DNAH5: variants seen among roughly 807,000 people sequenced by gnomAD.
The protein encoded by DNAH5 is axonemal beta dynein heavy chain 5.
A neutral mutation model predicts 518.2 loss-of-function variants in DNAH5; 372 were observed. That is an observed-to-expected ratio of 0.72 (90% CI 0.66 to 0.78). The LOEUF (loss-of-function observed/expected upper bound fraction) is 0.78, where lower values mean the gene tolerates loss of function less well. DNAH5 is among the 30% of genes least tolerant of loss of function. The pLI is 0.00. For synonymous variants in DNAH5, 2,039 were observed against 2,025.9 expected (o/e 1.01, Z -0.17); for missense variants, 5,523 against 5,687.0 (o/e 0.97, Z 0.93).
At chr5:13,931,034 T>G in intron 2 of DNAH5, 76 bp downstream of exon 2, 1 of 1,608,262 alleles carries the variant, frequency 6.2e-7, no homozygotes, top group Non-Finnish European at 8.5e-7. Context: ...CAGCATGGGA[T>G]CCTGCCACAG....
intron 65 of DNAH5, among the ~76,000 whole-genome samples, chr5:13,744,597 T>A (rs2062724): frequency 0.36 from 54,224 of 151,808 alleles, 10,036 homozygotes; most frequent in South Asian, 0.49. Context: ...ATGTACCCCA[T>A]AAACATGTAC....
rs769937943 is a variant in DNAH5, at chr5:13,796,707, T to G, written c.7888-2649A>C. ...CAGAATTGGAAAAAACTACTTTAAATTTCATATGGAACCAAAAAAGAGCCC... is the reference window on the plus strand; with the variant it reads ...CAGAATTGGAAAAAACTACTTTAAAGTTCATATGGAACCAAAAAAGAGCCC... On this transcript the variant is annotated intron_variant, in intron 47 of 78. Transcript: ENST00000265104. 2.8e-4 allele frequency among the ~76,000 whole-genome samples: 42 copies of G among 152,140 alleles called. 1 individual carries two copies. Among genetic ancestry groups the G allele is most frequent in the Middle Eastern group, 3.4e-3 (1 of 294 alleles).
At position 13,694,296 on chromosome 5, in the gene DNAH5, G is replaced by A. The variant is rs1741074173; in HGVS notation, c.13724-2161C>T. ...TATTTTTAATTGCTTCAGAGCTGAAGGTGCTCATGCCAAGTCACAGCGTGC... is the reference window on the plus strand; with the variant it reads ...TATTTTTAATTGCTTCAGAGCTGAAAGTGCTCATGCCAAGTCACAGCGTGC... On this transcript the variant is annotated intron_variant, in intron 78 of 78. Coordinates refer to ENST00000265104, the MANE Select transcript of DNAH5 (RefSeq NM_001369.3). 2.6e-5 allele frequency among the ~76,000 whole-genome samples: 4 copies of A among 152,278 alleles called. No homozygotes were observed. In the South Asian group the frequency reaches 8.3e-4, roughly 32 times the overall value.
chr5:13,802,569 T>A (rs1233064454), intron 47 of DNAH5, among the ~76,000 whole-genome samples: 1 of 152,218 alleles, frequency 6.6e-6, no homozygotes, highest in Non-Finnish European at 1.5e-5. Context: ...AAGTAGCACT[T>A]ATCTTGTCAA....
chr5:13,840,911 C>T lies in DNAH5; in HGVS notation c.5704G>A (p.Asp1902Asn), dbSNP rs1403788754. The T allele has an allele frequency of 6.2e-7, 1 of 1,613,598 alleles. No individual in the cohort carries two copies. Among genetic ancestry groups the T allele is most frequent in the East Asian group, 2.2e-5 (1 of 44,864 alleles). ...AGCATTTATAAAGAATTTACCAGGT[C>T]ATCAAAGATATCCCTTTGGTGCACA... ...IHVHQRDIFD[D>N]LCHMHIKSPM... is the part of the protein sequence containing the mutation. Residue 1902 changes from aspartate to asparagine, a missense_variant, in exon 34 of 79, where the codon GAC becomes AAC. Physicochemically the swap from Asp to Asn is conservative, Grantham distance 23. Coordinates refer to ENST00000265104, the MANE Select transcript of DNAH5 (RefSeq NM_001369.3).
chr5:13,779,772 T>C (rs1754816084), intron 53 of DNAH5, among the ~76,000 whole-genome samples: 1 of 152,222 alleles, frequency 6.6e-6, no homozygotes, highest in African/African-American at 2.4e-5. Flanking sequence ...GAAACCAGGA[T>C]GCACCAAGCC....
intron 53 of DNAH5, among the ~76,000 whole-genome samples, chr5:13,777,775 G>A (rs1383668448): frequency 3.3e-5 from 5 of 152,156 alleles, no homozygotes; most frequent in Admixed American, 3.3e-4. Flanking sequence ...TACAGGGTGA[G>A]TGAGATGCCC....
At chr5:13,714,077 A>C (rs1460238934) in intron 75 of DNAH5, among the ~76,000 whole-genome samples, 2 of 152,156 alleles carry the variant, frequency 1.3e-5, no homozygotes, top group Non-Finnish European at 2.9e-5. Context: ...TGTTTTAATA[A>C]TACTTCGCTT....
At chr5:13,710,441 G>C (rs1414416990) in intron 75 of DNAH5, among the ~76,000 whole-genome samples, 1 of 151,974 alleles carries the variant, frequency 6.6e-6, no homozygotes, top group African/African-American at 2.4e-5. Flanking sequence ...AGAGAAACAA[G>C]AAGAAACCAA....
intron 1 of DNAH5, among the ~76,000 whole-genome samples, chr5:13,985,358 C>T (rs1382338499): frequency 2.0e-5 from 3 of 150,440 alleles, no homozygotes; most frequent in Non-Finnish European, 4.4e-5. Context: ...AGCACACCAA[C>T]ATGGCATGTG....
Position 13,692,043 on chromosome 5 carries a change from C to A in DNAH5, c.13816G>T (p.Ala4606Ser). 1 of 1,614,096 alleles carries A rather than the reference C, an allele frequency of 6.2e-7. No individual in the cohort carries two copies. Among genetic ancestry groups the A allele is most frequent in the South Asian group, 1.1e-5 (1 of 91,082 alleles). ...NYIAAVDLRT[A>S]QTPEHWVLRG... The stretch of plus-strand genomic sequence containing the variant: ...AGCACCCAGTGTTCAGGGGTCTGGG[C>A]TGTCCTGAGATCCACAGCGGCAATG... Residue 4606 changes from alanine (A) to serine (S), a missense_variant, in exon 79 of 79, where the codon GCC becomes TCC. This residue lies in a region of DNAH5 where 387 missense variants were observed against 430.0 expected (regional missense o/e 0.90). Transcript: ENST00000265104.
At chr5:13,967,140 C>T (rs982557968) in intron 1 of DNAH5, among the ~76,000 whole-genome samples, 3 of 152,200 alleles carry the variant, frequency 2.0e-5, no homozygotes, top group Non-Finnish European at 2.9e-5. Flanking sequence ...GGAATTACAA[C>T]CATGAGCCAC....
chr5:13,864,977 C>T lies in DNAH5; in HGVS notation c.4356-340G>A, dbSNP rs74979615. Reference sequence around the variant, plus strand: ...ACAAAGCATAGCAAAGTGTATCAGGCTGTGAAGTGAAATATGCAACAAATA... The same window carrying T: ...ACAAAGCATAGCAAAGTGTATCAGGTTGTGAAGTGAAATATGCAACAAATA... On this transcript the variant is annotated intron_variant, in intron 27 of 78. Coordinates refer to ENST00000265104, the MANE Select transcript of DNAH5 (RefSeq NM_001369.3). Among the ~76,000 whole-genome samples the T allele has an allele frequency of 5.6e-3, 834 of 150,234 alleles. 10 individuals are homozygous for T. The highest frequency in any genetic ancestry group is 0.019 in the African/African-American group (787 of 40,806).
intron 66 of DNAH5, among the ~76,000 whole-genome samples, chr5:13,736,277 G>A (rs560797038): frequency 1.3e-3 from 191 of 152,166 alleles, no homozygotes; most frequent in Non-Finnish European, 2.5e-3. Context: ...GTAGCCATTA[G>A]GGACCTCATC....
intron 2 of DNAH5, among the ~76,000 whole-genome samples, chr5:13,929,479 TTTATG>T (rs59193896): frequency 0.47 from 71,636 of 151,614 alleles, 17,672 homozygotes; most frequent in East Asian, 0.87. Flanking sequence ...GATGGTGAAT[TTTATG>T]TTATGTGTAT....
chr5:13,859,808 C>T (rs1460126417), intron 29 of DNAH5, among the ~76,000 whole-genome samples: 1 of 152,096 alleles, frequency 6.6e-6, no homozygotes, highest in East Asian at 1.9e-4. Flanking sequence ...CCTTTTGATC[C>T]AGAGCATAGA....
chr5:13,700,424 A>ATCTC (rs1741941532), intron 78 of DNAH5, among the ~76,000 whole-genome samples: 1 of 152,234 alleles, frequency 6.6e-6, no homozygotes, highest in East Asian at 1.9e-4. Context: ...GCTTTATTAG[A>ATCTC]TAAGCAAGTA....
chr5:13,951,622 C>G (rs1780420997), intron 1 of DNAH5, among the ~76,000 whole-genome samples: 1 of 151,904 alleles, frequency 6.6e-6, no homozygotes, highest in Non-Finnish European at 1.5e-5. Flanking sequence ...AGATCTGGTC[C>G]CTGGTTTTGA....
chr5:13,901,543 G>T lies in DNAH5; in HGVS notation c.1761C>A (p.Asp587Glu). The change falls in exon 14 of 79, where the codon GAC becomes GAA. Residue 587 changes from aspartate to glutamate, a missense_variant. Asp to Glu is a conservative substitution (Grantham distance 45). Around this residue, in one of 3 missense-constraint regions of DNAH5, gnomAD observed 5,121 missense variants for 5,223.3 expected, o/e 0.98. Transcript: ENST00000265104. ...RLNIPNLGID[D>E]KYQLILENYG... ...AGTTCTCAAGGATAAGTTGATATTT[G>T]TCATCAATACCAAGATTAGGTATAT... The T allele has an allele frequency of 6.2e-7, 1 of 1,613,188 alleles. No individual in the cohort carries two copies. The highest frequency in any genetic ancestry group is 1.1e-5 in the South Asian group (1 of 91,066).
Sources: allele counts gnomAD v4.1 joint callset (sites outside exome capture counted in the v4.1 genomes callset), GRCh38; gene constraint gnomAD v4.1.1; regional missense constraint gnomAD v4.1.1; transcripts MANE v1.5; gene names NCBI Gene and HGNC (gene_info 2026-07-23, HGNC 2026-07-21).